The following FAM227B variants were observed in gnomAD, a reference collection of about 807,000 sequenced individuals.
FAM227B encodes protein FAM227B.
Under a neutral mutation model 73.8 loss-of-function variants are expected in FAM227B, and 88 were observed. The ratio of observed to expected loss-of-function variants is 1.19; its 90% CI spans 1.00 to 1.42. The LOEUF (loss-of-function observed/expected upper bound fraction) is 1.42. Among genes scored for constraint, FAM227B ranks in the 40% most tolerant of loss-of-function variants. The pLI is 0.00. For missense variants in FAM227B, 632 were observed against 590.9 expected (o/e 1.07, Z -0.72); for synonymous variants, 210 against 190.5 (o/e 1.10, Z -0.84).
intron 13 of FAM227B, among the ~76,000 whole-genome samples, chr15:49,361,748 T>C (rs1201773455): frequency 6.6e-6 from 1 of 152,158 alleles, no homozygotes. Context: ...TTATATTCCT[T>C]TGGGTATATA....
intron 3 of FAM227B, among the ~76,000 whole-genome samples, chr15:49,604,206 T>C (rs1407282375): frequency 6.6e-6 from 1 of 152,230 alleles, no homozygotes; most frequent in East Asian, 1.9e-4. Context: ...ATATTGTTAG[T>C]GTTCTTCATT....
At chr15:49,510,122 C>T (rs1289384385) in intron 10 of FAM227B, among the ~76,000 whole-genome samples, 1 of 152,070 alleles carries the variant, frequency 6.6e-6, no homozygotes, top group African/African-American at 2.4e-5. Context: ...TTTAGGCATT[C>T]TATTGACGTC....
chr15:49,463,279 C>T (rs1254082412), intron 11 of FAM227B, among the ~76,000 whole-genome samples: 1 of 152,186 alleles, frequency 6.6e-6, no homozygotes, highest in Admixed American at 6.5e-5. Flanking sequence ...TTCGGCCAGG[C>T]ACAGTGGCTC....
At chr15:49,572,312 T>A (rs2152364294) in intron 8 of FAM227B, among the ~76,000 whole-genome samples, 1 of 152,226 alleles carries the variant, frequency 6.6e-6, no homozygotes, top group Admixed American at 6.5e-5. Context: ...CCTTTTCTAT[T>A]AGGATACTTT....
At chr15:49,551,826 G>C (rs1333007552) in intron 9 of FAM227B, among the ~76,000 whole-genome samples, 12 of 152,066 alleles carry the variant, frequency 7.9e-5, no homozygotes, top group Admixed American at 7.2e-4. Context: ...ATTTTAACCT[G>C]GTAACAACAT....
chr15:49,589,809 T>C lies in FAM227B; in HGVS notation c.304A>G (p.Ile102Val). 6.3e-7 allele frequency: 1 copy of C among 1,599,298 alleles called. No homozygotes were observed. Among genetic ancestry groups the C allele is most frequent in the Non-Finnish European group, 8.6e-7 (1 of 1,166,998 alleles). Residue 102 changes from isoleucine (I) to valine (V), a missense_variant, in exon 4 of 16, where the codon ATA (isoleucine) becomes GTA (valine). Transcript: ENST00000299338. ...SLILQNHTSE[I>V]FKWKSMISET... is the part of the protein sequence containing the mutation. Reference sequence around the variant, plus strand: ...GAAATCATGCTTTTCCACTTAAATATTTCAGAGGTGTGGTTTTGCAAAATA... The same window carrying C: ...GAAATCATGCTTTTCCACTTAAATACTTCAGAGGTGTGGTTTTGCAAAATA...
chr15:49,582,161 T>G (rs938452845), intron 5 of FAM227B, among the ~76,000 whole-genome samples: 5 of 152,174 alleles, frequency 3.3e-5, no homozygotes, highest in Admixed American at 3.3e-4. Context: ...GGGGGCTAAA[T>G]GCCCCCGTTA....
At chr15:49,493,440 T>A (rs1330035742) in intron 11 of FAM227B, among the ~76,000 whole-genome samples, 1 of 151,992 alleles carries the variant, frequency 6.6e-6, no homozygotes, top group Non-Finnish European at 1.5e-5. Context: ...CTTCCTTGTG[T>A]CTCTGGGATT....
chr15:49,393,932 G>A (rs1310360839), intron 11 of FAM227B, among the ~76,000 whole-genome samples: 1 of 152,170 alleles, frequency 6.6e-6, no homozygotes, highest in Non-Finnish European at 1.5e-5. Context: ...ATAGTGGAAT[G>A]TGCATGGGGA....
At chr15:49,437,339 G>C (rs1329019371) in intron 11 of FAM227B, among the ~76,000 whole-genome samples, 1 of 151,626 alleles carries the variant, frequency 6.6e-6, no homozygotes, top group Non-Finnish European at 1.5e-5. Context: ...TAACAAGCAT[G>C]TCTGAAGGAT....
chr15:49,405,723 T>C (rs1322456399), intron 11 of FAM227B, among the ~76,000 whole-genome samples: 1 of 152,210 alleles, frequency 6.6e-6, no homozygotes, highest in African/African-American at 2.4e-5. Context: ...TTCATTTCTA[T>C]CCATATTCTG....
At chr15:49,574,969 C>T (rs1336493284) in intron 8 of FAM227B, 42 bp downstream of exon 8, 1 of 1,275,680 alleles carries the variant, frequency 7.8e-7, no homozygotes, top group Non-Finnish European at 1.1e-6. Flanking sequence ...TTAATTATGC[C>T]AAAAATCAAC....
intron 11 of FAM227B, among the ~76,000 whole-genome samples, chr15:49,378,426 A>G (rs531858747): frequency 2.6e-4 from 39 of 152,118 alleles, no homozygotes; most frequent in African/African-American, 9.4e-4. Flanking sequence ...GATTATTCCA[A>G]TCTGTGAACA....
At chr15:49,568,095 A>C in intron 9 of FAM227B, 150 bp downstream of exon 9, 1 of 629,662 alleles carries the variant, frequency 1.6e-6, no homozygotes, top group Non-Finnish European at 2.7e-6. Flanking sequence ...TAATAAGAGC[A>C]TAACTTTCAA....
At chr15:49,568,679 A>G (rs1472409839) in intron 8 of FAM227B, among the ~76,000 whole-genome samples, 8 of 152,042 alleles carry the variant, frequency 5.3e-5, no homozygotes, top group Non-Finnish European at 1.0e-4. Flanking sequence ...CCTGGCAACA[A>G]AAAGCATGCA....
intron 13 of FAM227B, chr15:49,365,382 T>C: frequency 8.1e-7 from 1 of 1,240,698 alleles, no homozygotes; most frequent in Non-Finnish European, 1.2e-6. Context: ...ACATAGTATA[T>C]ATACGAAGAA....
In FAM227B at chr15:49,544,230, A is replaced by C. The variant is rs143995682; in HGVS notation, c.748-2424T>G. 2.0e-3 allele frequency among the ~76,000 whole-genome samples: 300 copies of C among 152,078 alleles called. 1 individual carries two copies. Among genetic ancestry groups the C allele is most frequent in the African/African-American group, 6.9e-3 (287 of 41,516 alleles). On this transcript the variant is annotated intron_variant, in intron 9 of 15. Coordinates refer to ENST00000299338, the MANE Select transcript of FAM227B (RefSeq NM_152647.3). ...CACCTCCTTGGTTAGGTATATTCCC[A>C]AGTTATTTATTTATTTAATTTATTT...
At chr15:49,522,385 T>G (rs1231053456) in intron 10 of FAM227B, among the ~76,000 whole-genome samples, 3 of 152,088 alleles carry the variant, frequency 2.0e-5, no homozygotes, top group African/African-American at 7.2e-5. Flanking sequence ...TGGAAGCAAA[T>G]AAGACAGAGT....
At chr15:49,507,270 G>T (rs1051982768) in intron 11 of FAM227B, among the ~76,000 whole-genome samples, 7 of 152,048 alleles carry the variant, frequency 4.6e-5, no homozygotes, top group African/African-American at 9.7e-5. Context: ...ATCTGAAGAA[G>T]AATAATTAAC....
Sources: allele counts gnomAD v4.1 joint callset (sites outside exome capture counted in the v4.1 genomes callset), GRCh38; gene constraint gnomAD v4.1.1; transcripts MANE v1.5; gene names NCBI Gene and HGNC (gene_info 2026-07-23, HGNC 2026-07-21).